MBD2: variants seen among roughly 807,000 people sequenced by gnomAD.
The protein encoded by MBD2 is methyl-CpG-binding domain protein 2.
In MBD2, 9 loss-of-function variants were observed where a neutral mutation model predicts 39.3. That is an observed-to-expected ratio of 0.23 (90% CI 0.14 to 0.40). The LOEUF is 0.40. Among genes scored for constraint, MBD2 ranks in the 10% least tolerant of loss-of-function variants. The pLI, the probability that MBD2 is intolerant of heterozygous loss-of-function variation, is 1.00. For missense variants in MBD2, 458 were observed against 532.6 expected, an observed-to-expected ratio of 0.86 and a Z score of 1.38; for synonymous variants, 233 against 211.1, an observed-to-expected ratio of 1.10 and a Z score of -0.90.
At chr18:54,216,674 T>C (rs1240700632) in intron 1 of MBD2, among the ~76,000 whole-genome samples, 1 of 152,124 alleles carries the variant, frequency 6.6e-6, no homozygotes, top group African/African-American at 2.4e-5. Context: ...TAAAAAGAAT[T>C]TTAAGGACAC....
intron 2 of MBD2, among the ~76,000 whole-genome samples, chr18:54,196,223 CT>C (rs1366669525): frequency 3.3e-5 from 5 of 152,006 alleles, no homozygotes; most frequent in Non-Finnish European, 7.4e-5. Context: ...GTCTAATATT[CT>C]ATATGGGTAA....
At chr18:54,190,844 T>A (rs756163115) in intron 2 of MBD2, among the ~76,000 whole-genome samples, 1 of 152,190 alleles carries the variant, frequency 6.6e-6, no homozygotes, top group Non-Finnish European at 1.5e-5. Flanking sequence ...ATATAACTTA[T>A]TTACCTAGTT....
At chr18:54,177,538 T>G (rs1194289122) in intron 3 of MBD2, among the ~76,000 whole-genome samples, 1 of 152,050 alleles carries the variant, frequency 6.6e-6, no homozygotes, top group Non-Finnish European at 1.5e-5. Flanking sequence ...TGGAGTGCAG[T>G]GGCGCGATCT....
chr18:54,224,306 C>T lies in MBD2; in HGVS notation c.254G>A (p.Gly85Glu). 1 of 960,704 alleles carries T rather than the reference C, an allele frequency of 1.0e-6. No individual in the cohort carries two copies. The highest frequency in any genetic ancestry group is 1.2e-6 in the Non-Finnish European group (1 of 807,154). The allele number at this position is 960,704 out of a possible 1,614,324, so 59.5% of individuals were successfully genotyped here. A position where few individuals can be genotyped will look rare whatever the true frequency, so the allele number is the denominator to read the frequency against. ...GCCCCGGCCCCGGCCCCGTCCCCGT[C>T]CCCGGCCACGGCCCCGGCCCCGGCC... ...GRGRGRGRGRGRGRGRGRGRG... is the reference protein window; with the variant it reads ...GRGRGRGRGRERGRGRGRGRG... The change falls in exon 1 of 7, where the codon GGA becomes GAA. Residue 85 changes from glycine to glutamate, a missense_variant. Physicochemically the swap from Gly to Glu is moderately conservative, Grantham distance 98. This residue lies in a region of MBD2 where 269 missense variants were observed against 236.0 expected (regional missense o/e 1.14). Transcript: ENST00000256429.
intron 2 of MBD2, among the ~76,000 whole-genome samples, chr18:54,202,140 C>T (rs2086413166): frequency 1.3e-5 from 2 of 151,890 alleles, no homozygotes; most frequent in African/African-American, 4.8e-5. Flanking sequence ...GTCAGGAGTT[C>T]GAGACCAGCC....
intron 6 of MBD2, among the ~76,000 whole-genome samples, chr18:54,156,811 C>T (rs1389768369): frequency 3.3e-5 from 5 of 152,000 alleles, no homozygotes; most frequent in Admixed American, 2.6e-4. Flanking sequence ...TGAGATTGCA[C>T]CCCTGTACTC....
At chr18:54,191,281 G>A (rs1301334235) in intron 2 of MBD2, among the ~76,000 whole-genome samples, 2 of 152,150 alleles carry the variant, frequency 1.3e-5, no homozygotes, top group African/African-American at 4.8e-5. Context: ...AAGGTCTCAG[G>A]TGATATTGAT....
intron 6 of MBD2, among the ~76,000 whole-genome samples, chr18:54,157,320 G>T (rs1221505444): frequency 2.0e-5 from 3 of 151,832 alleles, no homozygotes; most frequent in Admixed American, 2.0e-4. Context: ...TAGTGCAGTG[G>T]CGCGATCTCG....
chr18:54,170,361 G>T (rs953701721), intron 3 of MBD2, among the ~76,000 whole-genome samples: 3 of 152,170 alleles, frequency 2.0e-5, no homozygotes, highest in African/African-American at 7.2e-5. Flanking sequence ...TGAGGGATTT[G>T]TTCAACTTGC....
chr18:54,216,638 G>A (rs1313311456), intron 1 of MBD2, among the ~76,000 whole-genome samples: 2 of 152,064 alleles, frequency 1.3e-5, no homozygotes, highest in African/African-American at 4.8e-5. Flanking sequence ...TCTAGGAAAG[G>A]CTTTTTAAAA....
chr18:54,203,231 C>T (rs1250463502), intron 2 of MBD2: 1 of 1,182,618 alleles, frequency 8.5e-7, no homozygotes, highest in South Asian at 1.5e-5. Context: ...GGTAACAGTA[C>T]AGTAATCTAA....
chr18:54,164,434 A>G, intron 5 of MBD2, 89 bp downstream of exon 5: 1 of 1,137,038 alleles, frequency 8.8e-7, no homozygotes, highest in Non-Finnish European at 1.3e-6. Context: ...TATATCACTT[A>G]CTAGATATGC....
intron 1 of MBD2, among the ~76,000 whole-genome samples, chr18:54,215,701 G>A (rs2086552739): frequency 6.6e-6 from 1 of 151,664 alleles, no homozygotes; most frequent in African/African-American, 2.4e-5. Flanking sequence ...TCACCATGTT[G>A]GTCAGGCTGG....
chr18:54,171,842 G>A (rs778916408), intron 3 of MBD2, among the ~76,000 whole-genome samples: 22 of 152,328 alleles, frequency 1.4e-4, no homozygotes, highest in African/African-American at 2.2e-4. Flanking sequence ...ATAAAGAAAC[G>A]GAAGCATGGG....
At chr18:54,221,095 G>A (rs2086607695) in intron 1 of MBD2, among the ~76,000 whole-genome samples, 1 of 152,154 alleles carries the variant, frequency 6.6e-6, no homozygotes, top group South Asian at 2.1e-4. Context: ...TCATTTTAGA[G>A]AGCAATTACC....
At chr18:54,163,355 A>C (rs980580915) in intron 5 of MBD2, among the ~76,000 whole-genome samples, 6 of 152,186 alleles carry the variant, frequency 3.9e-5, no homozygotes, top group Admixed American at 6.5e-5. Context: ...TTTGTCTAGG[A>C]ATAATACTCA....
intron 1 of MBD2, among the ~76,000 whole-genome samples, chr18:54,210,396 T>A (rs1477208842): frequency 6.6e-6 from 1 of 152,178 alleles, no homozygotes; most frequent in East Asian, 1.9e-4. Flanking sequence ...TACCTGTAAT[T>A]ACCATTACCT....
chr18:54,178,853 C>A (rs867157704), intron 3 of MBD2, among the ~76,000 whole-genome samples: 194 of 152,072 alleles, frequency 1.3e-3, no homozygotes, highest in African/African-American at 4.4e-3. Flanking sequence ...AAAAATATTA[C>A]TAGAAATATA....
At position 54,198,177 on chromosome 18, in the gene MBD2, C is replaced by T. The variant is rs1372147309; in HGVS notation, c.702+6821G>A. ...TCATCAGAATGGTCCTACCACAGGGCTCTGATGGTGGTGAACTGACCATGA... is the reference window on the plus strand; with the variant it reads ...TCATCAGAATGGTCCTACCACAGGGTTCTGATGGTGGTGAACTGACCATGA... On this transcript the variant is annotated intron_variant, in intron 2 of 6. Coordinates refer to ENST00000256429, the MANE Select transcript of MBD2 (RefSeq NM_003927.5). Among the ~76,000 whole-genome samples the T allele has an allele frequency of 3.3e-5, 5 of 152,192 alleles. No individual in the cohort carries two copies. The East Asian group carries it at 5.8e-4, about 18-fold the overall frequency.
Sources: allele counts gnomAD v4.1 joint callset (sites outside exome capture counted in the v4.1 genomes callset), GRCh38; gene constraint gnomAD v4.1.1; regional missense constraint gnomAD v4.1.1; transcripts MANE v1.5; gene names NCBI Gene and HGNC (gene_info 2026-07-23, HGNC 2026-07-21).